HHAT: variants seen among roughly 807,000 people sequenced by gnomAD.
The protein encoded by HHAT is protein-cysteine N-palmitoyltransferase HHAT.
In HHAT, 47 loss-of-function variants were observed where a neutral mutation model predicts 70.8. The ratio of observed to expected loss-of-function variants is 0.66; its 90% CI spans 0.53 to 0.85. The LOEUF (loss-of-function observed/expected upper bound fraction) is 0.85. Among genes scored for constraint, HHAT ranks in the 40% least tolerant of loss-of-function variants. The probability of loss-of-function intolerance (pLI) is 0.00; values close to 1 mark genes in which losing one functional copy is unlikely to be tolerated. For synonymous variants in HHAT, 228 were observed against 247.6 expected (o/e 0.92, Z 0.74); for missense variants, 609 against 604.8 (o/e 1.01, Z -0.07).
intron 3 of HHAT, among the ~76,000 whole-genome samples, chr1:210,382,642 C>G (rs187823620): frequency 1.3e-5 from 2 of 152,064 alleles, no homozygotes. Context: ...ATGTGGATGA[C>G]GGAGAAGGGA....
intron 9 of HHAT, among the ~76,000 whole-genome samples, chr1:210,572,222 A>C (rs1361819977): frequency 6.6e-6 from 1 of 152,230 alleles, no homozygotes; most frequent in Non-Finnish European, 1.5e-5. Context: ...AATGAGAGGC[A>C]GTTGAAACTG....
chr1:210,644,704 A>G (rs1226347129), intron 11 of HHAT, among the ~76,000 whole-genome samples: 1 of 151,940 alleles, frequency 6.6e-6, no homozygotes, highest in Non-Finnish European at 1.5e-5. Context: ...GAACTTTTGC[A>G]TAGCATGTCT....
chr1:210,645,417 A>G (rs1673833756), intron 11 of HHAT, among the ~76,000 whole-genome samples: 1 of 152,148 alleles, frequency 6.6e-6, no homozygotes, highest in Non-Finnish European at 1.5e-5. Context: ...AGCTGGGACT[A>G]CAGGCGCCTA....
intron 8 of HHAT, among the ~76,000 whole-genome samples, chr1:210,475,021 T>G (rs2094281946): frequency 9.6e-6 from 1 of 103,664 alleles, no homozygotes. Flanking sequence ...TAGCTATTTT[T>G]TTTGTTTTTT....
intron 4 of HHAT, among the ~76,000 whole-genome samples, chr1:210,393,531 C>G (rs755115501): frequency 2.8e-4 from 42 of 152,116 alleles, no homozygotes; most frequent in Non-Finnish European, 6.0e-4. Flanking sequence ...AGGTGTAGGT[C>G]TCACCTGCCG....
chr1:210,374,045 T>C (rs779045993), intron 3 of HHAT: 5 of 152,222 alleles, frequency 3.3e-5, no homozygotes, highest in Admixed American at 2.0e-4. Flanking sequence ...TTAACTGTCT[T>C]TGCAAGTTCT....
chr1:210,477,340 C>T (rs1295436504), intron 8 of HHAT, among the ~76,000 whole-genome samples: 2 of 152,230 alleles, frequency 1.3e-5, no homozygotes, highest in Non-Finnish European at 2.9e-5. Flanking sequence ...GACTTCTCCC[C>T]TTCTCTGCCT....
intron 8 of HHAT, 58 bp from the exon 9 acceptor site, chr1:210,513,095 T>C (rs2094987673): frequency 1.0e-6 from 1 of 990,166 alleles, no homozygotes. Context: ...AGTTGTCTAG[T>C]CTACCATTAC....
intron 1 of HHAT, among the ~76,000 whole-genome samples, chr1:210,342,355 C>T (rs552708310): frequency 6.6e-6 from 1 of 152,270 alleles, no homozygotes; most frequent in South Asian, 2.1e-4. Context: ...TTCTCCCTTC[C>T]CTGAACCATC....
chr1:210,573,665 G>A lies in HHAT; in HGVS notation c.1044-14233G>A, dbSNP rs972970272. Among the ~76,000 whole-genome samples, 4 of 152,142 alleles carry A rather than the reference G, an allele frequency of 2.6e-5. No homozygotes were observed. In the South Asian group the frequency reaches 6.2e-4, roughly 24 times the overall value. ...TAGTTCCAGCAGCTTTCTAGGAGAG[G>A]TTGGCATTGGCATGTGTCCCCCCAT... On this transcript the variant is annotated intron_variant, in intron 9 of 11. Coordinates refer to ENST00000261458, the MANE Select transcript of HHAT (RefSeq NM_018194.6).
chr1:210,642,596 G>T (rs190236494), intron 11 of HHAT, among the ~76,000 whole-genome samples: 100 of 152,284 alleles, frequency 6.6e-4, no homozygotes, highest in African/African-American at 2.4e-3. Flanking sequence ...TTTCCTTGAT[G>T]ACTAAAGTTT....
chr1:210,428,676 T>C (rs1200649093), intron 7 of HHAT, among the ~76,000 whole-genome samples: 1 of 151,640 alleles, frequency 6.6e-6, no homozygotes, highest in African/African-American at 2.4e-5. Flanking sequence ...AACTAAAAGT[T>C]AAATCAAAAA....
intron 3 of HHAT, among the ~76,000 whole-genome samples, chr1:210,365,315 T>TTTGTTTG (rs2088817603): frequency 1.6e-5 from 2 of 124,214 alleles, no homozygotes; most frequent in Non-Finnish European, 3.4e-5. Flanking sequence ...GACAGTTTTT[T>TTTGTTTG]TTTTTTTTTT....
At chr1:210,383,636 T>C (rs2148125750) in intron 3 of HHAT, among the ~76,000 whole-genome samples, 1 of 152,192 alleles carries the variant, frequency 6.6e-6, no homozygotes, top group South Asian at 2.1e-4. Flanking sequence ...AACCATGGAC[T>C]TTGGGGTATC....
At chr1:210,527,804 T>G (rs2095269370) in intron 9 of HHAT, among the ~76,000 whole-genome samples, 1 of 152,222 alleles carries the variant, frequency 6.6e-6, no homozygotes, top group Non-Finnish European at 1.5e-5. Context: ...ACTAGCCATG[T>G]GACTTTATTA....
chr1:210,475,796 T>G lies in HHAT; in HGVS notation c.1007+11141T>G, dbSNP rs2094296559. ...AGTTTTGACTCATTAGATTTGATTC[T>G]GAATTTGTGAGCAGCCAGACAACCA... On this transcript the variant is annotated intron_variant, in intron 8 of 11. Transcript: ENST00000261458. Among the ~76,000 whole-genome samples the G allele has an allele frequency of 5.3e-5, 8 of 152,204 alleles. No homozygotes were observed. In the South Asian group the frequency reaches 1.7e-3, roughly 32 times the overall value.
Position 210,614,826 on chromosome 1 carries a change from G to C in HHAT, c.1246-8700G>C, listed in dbSNP as rs908619722. Among the ~76,000 whole-genome samples the C allele has an allele frequency of 8.1e-4, 123 of 152,192 alleles. 3 individuals are homozygous for C. The highest frequency in any genetic ancestry group is 3.3e-4 in the Admixed American group (5 of 15,280). On this transcript the variant is annotated intron_variant, in intron 10 of 11. Transcript: ENST00000261458. The stretch of plus-strand genomic sequence containing the variant: ...CAGCCTATCATTGTTGGACATTTGG[G>C]TTGGTTCCAAGTCTTTGCTATTGTG...
At chr1:210,562,398 G>A (rs2095631203) in intron 9 of HHAT, among the ~76,000 whole-genome samples, 1 of 118,958 alleles carries the variant, frequency 8.4e-6, no homozygotes, top group Non-Finnish European at 1.7e-5. Context: ...AGGGCCAAGG[G>A]GTGGGGGGTG....
At chr1:210,393,690 C>T (rs1178839808) in intron 4 of HHAT, among the ~76,000 whole-genome samples, 1 of 152,134 alleles carries the variant, frequency 6.6e-6, no homozygotes, top group Non-Finnish European at 1.5e-5. Context: ...CACATCTTAT[C>T]CAATATCAGT....
Sources: gnomAD v4.1 joint callset for allele counts (sites outside exome capture counted in the v4.1 genomes callset) on GRCh38, gnomAD v4.1.1 for gene constraint, MANE v1.5 for transcripts, NCBI Gene and HGNC (gene_info 2026-07-23, HGNC 2026-07-21) for gene names.